GLDC: variants seen among roughly 807,000 people sequenced by gnomAD.
GLDC encodes glycine decarboxylase.
GLDC carries 104 observed loss-of-function variants against 121.3 expected under a neutral mutation model. The ratio of observed to expected loss-of-function variants is 0.86; its 90% CI spans 0.73 to 1.01. The LOEUF is 1.01. Ranked by LOEUF, GLDC falls within the 50% of genes least tolerant of loss-of-function variation. The pLI, the probability that GLDC is intolerant of heterozygous loss-of-function variation, is 0.00. For synonymous variants in GLDC, 546 were observed against 480.6 expected (o/e 1.14, Z -1.78); for missense variants, 1,429 against 1,306.6 (o/e 1.09, Z -1.44).
In GLDC at chr9:6,595,060, C is replaced by T. The variant is rs771135075; in HGVS notation, c.1215G>A (p.Glu405=). The T allele has an allele frequency of 2.5e-6, 4 of 1,613,262 alleles. No individual in the cohort carries two copies. The South Asian group carries it at 3.3e-5, about 13-fold the overall frequency. ...FAIYHGSHGL[E]HIARRVHNAT... ...CATTATGTACCCTCCTAGCAATATGCTCCAGCCCATGGGAACCATGGTAGA... is the reference window on the plus strand; with the variant it reads ...CATTATGTACCCTCCTAGCAATATGTTCCAGCCCATGGGAACCATGGTAGA... The change falls in exon 9 of 25, where the codon GAG becomes GAA. Residue 405 remains glutamate, a synonymous_variant. Transcript: ENST00000321612.
At chr9:6,632,549 C>T (rs753583893) in intron 2 of GLDC, among the ~76,000 whole-genome samples, 9 of 152,212 alleles carry the variant, frequency 5.9e-5, no homozygotes, top group Non-Finnish European at 8.8e-5. Context: ...ATCCGTACAT[C>T]GTATAACTGA....
chr9:6,564,216 C>G (rs1385873128), intron 16 of GLDC, among the ~76,000 whole-genome samples: 4 of 151,416 alleles, frequency 2.6e-5, no homozygotes, highest in African/African-American at 9.7e-5. Flanking sequence ...CCATTGCACT[C>G]CAGCCTGGGG....
intron 2 of GLDC, among the ~76,000 whole-genome samples, chr9:6,626,887 C>G (rs934254698): frequency 6.6e-6 from 1 of 152,176 alleles, no homozygotes; most frequent in African/African-American, 2.4e-5. Flanking sequence ...ATTAGACCAG[C>G]CAGGAACCCA....
At chr9:6,622,275 T>G (rs1819117359) in intron 2 of GLDC, among the ~76,000 whole-genome samples, 1 of 142,580 alleles carries the variant, frequency 7.0e-6, no homozygotes, top group African/African-American at 2.6e-5. Flanking sequence ...ACGGTCTCCC[T>G]CTCCCTCTTT....
chr9:6,578,167 C>T (rs942338571), intron 15 of GLDC, among the ~76,000 whole-genome samples: 3 of 151,954 alleles, frequency 2.0e-5, no homozygotes, highest in African/African-American at 7.3e-5. Context: ...CTGTCACAGG[C>T]TGGGGTGCAA....
At chr9:6,621,620 C>G (rs1045688676) in intron 2 of GLDC, among the ~76,000 whole-genome samples, 1 of 152,108 alleles carries the variant, frequency 6.6e-6, no homozygotes, top group Non-Finnish European at 1.5e-5. Context: ...CAGGTTCAAG[C>G]GATTCTTCTG....
At chr9:6,554,181 C>T (rs1045532726) in intron 19 of GLDC, among the ~76,000 whole-genome samples, 3 of 152,086 alleles carry the variant, frequency 2.0e-5, no homozygotes, top group Non-Finnish European at 4.4e-5. Flanking sequence ...TCCTTCAGTC[C>T]TACTCTGGCT....
rs145627013 is a variant in GLDC at position 6,576,718 on chromosome 9, C to T, written c.1850+10423G>A. 8.5e-3 allele frequency among the ~76,000 whole-genome samples: 1,287 copies of T among 152,248 alleles called. 13 individuals carry two copies. The highest frequency in any genetic ancestry group is 0.029 in the African/African-American group (1,225 of 41,540). ...CTGATCTCAGGTGATCCGCCTGCCTCGGCCTCCCAAAGTGCTGGGATTACA... is the reference window on the plus strand; with the variant it reads ...CTGATCTCAGGTGATCCGCCTGCCTTGGCCTCCCAAAGTGCTGGGATTACA... On this transcript the variant is annotated intron_variant, in intron 15 of 24. Transcript: ENST00000321612.
At chr9:6,626,562 A>C (rs1819242052) in intron 2 of GLDC, among the ~76,000 whole-genome samples, 3 of 152,164 alleles carry the variant, frequency 2.0e-5, no homozygotes. Context: ...ATTTATACTA[A>C]TTGGCCTTTT....
intron 8 of GLDC, among the ~76,000 whole-genome samples, chr9:6,597,920 C>T (rs939220711): frequency 2.0e-5 from 2 of 101,608 alleles, no homozygotes; most frequent in South Asian, 2.7e-4. Flanking sequence ...GGCGATGGAG[C>T]GAGACTCGTC....
intron 2 of GLDC, among the ~76,000 whole-genome samples, chr9:6,621,074 G>A (rs1289452017): frequency 1.3e-5 from 2 of 152,210 alleles, no homozygotes; most frequent in African/African-American, 4.8e-5. Context: ...GGAGGCTGAG[G>A]TGGAAGGATC....
chr9:6,541,479 C>G (rs980290909), intron 21 of GLDC: 2 of 152,008 alleles, frequency 1.3e-5, no homozygotes, highest in African/African-American at 4.8e-5. Flanking sequence ...AATTAATAGC[C>G]CCTGAAGACA....
At position 6,534,773 on chromosome 9, in the gene GLDC, G is replaced by A. The variant is rs773748145; in HGVS notation, c.2854C>T (p.Leu952=). Residue 952 remains leucine (L), a synonymous_variant, in exon 24 of 25, where the codon CTG becomes TTG. Transcript: ENST00000321612. ...VNPLKMSPHS[L]TCVTSSHWDR... ...CAGTGGGAAGATGTAACGCAGGTCA[G>A]GGAGTGTGGAGACATCTGAGACAGA... The A allele has an allele frequency of 6.2e-7, 1 of 1,600,664 alleles. No individual in the cohort carries two copies. Among genetic ancestry groups the A allele is most frequent in the Non-Finnish European group, 8.6e-7 (1 of 1,167,794 alleles).
chr9:6,626,561 A>C (rs1345624628), intron 2 of GLDC, among the ~76,000 whole-genome samples: 1 of 152,128 alleles, frequency 6.6e-6, no homozygotes, highest in East Asian at 1.9e-4. Flanking sequence ...CATTTATACT[A>C]ATTGGCCTTT....
intron 11 of GLDC, 127 bp from the exon 12 acceptor site, chr9:6,589,419 ATTTAT>A: frequency 2.7e-6 from 1 of 365,774 alleles, no homozygotes; most frequent in East Asian, 5.5e-5. Context: ...TTACTTATTT[ATTTAT>A]TTATTTATTT....
Position 6,592,192 on chromosome 9 carries a change from T to C in GLDC, c.1433A>G (p.Glu478Gly), listed in dbSNP as rs751588571. 1.9e-6 allele frequency: 3 copies of C among 1,607,634 alleles called. No homozygotes were observed. The highest frequency in any genetic ancestry group is 1.3e-5 in the African/African-American group (1 of 74,952). ...LGISLDETVN[E>G]KDLDDLLWIF... ...CCACAACAAATCGTCCAGATCTTTT[T>C]CATTGACTGTTTCATCAAGAGAAAT... Residue 478 changes from glutamate (E) to glycine (G), a missense_variant, in exon 11 of 25, where the codon GAA (glutamate) becomes GGA (glycine). Glu to Gly is a moderately conservative substitution (Grantham distance 98, BLOSUM62 -2). Transcript: ENST00000321612.
chr9:6,547,147 C>T (rs1476081085), intron 21 of GLDC, among the ~76,000 whole-genome samples: 1 of 151,980 alleles, frequency 6.6e-6, no homozygotes. Context: ...CACCCGGCTG[C>T]TACTAAATAA....
At chr9:6,611,858 G>A (rs1467850214) in intron 3 of GLDC, among the ~76,000 whole-genome samples, 1 of 152,070 alleles carries the variant, frequency 6.6e-6, no homozygotes, top group Non-Finnish European at 1.5e-5. Flanking sequence ...GTTTCTACAT[G>A]ACAAATAATG....
chr9:6,535,819 A>T, intron 23 of GLDC: 1 of 534,694 alleles, frequency 1.9e-6, no homozygotes, highest in South Asian at 2.1e-5. Context: ...GAGATGCAGA[A>T]TGTTACAAAT....
Sources: gnomAD v4.1 joint callset for allele counts (sites outside exome capture counted in the v4.1 genomes callset) on GRCh38, gnomAD v4.1.1 for gene constraint, MANE v1.5 for transcripts, NCBI Gene and HGNC (gene_info 2026-07-23, HGNC 2026-07-21) for gene names.